Variants in XKR6 observed in about 807,000 individuals in gnomAD.
The protein encoded by XKR6 is XK-related protein 6.
XKR6 carries 22 observed loss-of-function variants against 56.7 expected under a neutral mutation model. The ratio of observed to expected loss-of-function variants is 0.39; its 90% CI spans 0.28 to 0.55. The LOEUF (loss-of-function observed/expected upper bound fraction) is 0.55, where lower values mean the gene tolerates loss of function less well. XKR6 is among the 20% of genes least tolerant of loss of function. The pLI is 0.66. For synonymous variants in XKR6, 524 were observed against 387.8 expected (o/e 1.35, Z -4.13); for missense variants, 852 against 889.0 (o/e 0.96, Z 0.53).
At chr8:11,037,531 C>G (rs1586461762) in intron 1 of XKR6, among the ~76,000 whole-genome samples, 1 of 152,170 alleles carries the variant, frequency 6.6e-6, no homozygotes, top group Admixed American at 6.5e-5. Context: ...AGCCTCAATG[C>G]TGTATTTCTC....
chr8:11,173,402 T>A (rs991484526), intron 1 of XKR6, among the ~76,000 whole-genome samples: 6 of 150,276 alleles, frequency 4.0e-5, no homozygotes, highest in African/African-American at 9.8e-5. Context: ...TATATACATA[T>A]ATATATACAT....
chr8:11,107,981 C>T (rs1798745047), intron 1 of XKR6: 1 of 317,432 alleles, frequency 3.2e-6, no homozygotes, highest in Admixed American at 4.9e-5. Context: ...CACTCGGTCC[C>T]AATATTAGAG....
At chr8:11,075,026 A>C (rs917397506) in intron 1 of XKR6, among the ~76,000 whole-genome samples, 1 of 152,182 alleles carries the variant, frequency 6.6e-6, no homozygotes, top group African/African-American at 2.4e-5. Flanking sequence ...TGAATGGCCC[A>C]CAGGACTTGG....
At chr8:10,914,557 C>A (rs1800500799) in intron 2 of XKR6, among the ~76,000 whole-genome samples, 2 of 152,214 alleles carry the variant, frequency 1.3e-5, no homozygotes, top group Admixed American at 6.5e-5. Flanking sequence ...TCCCCCAATG[C>A]TCCTCCTCCT....
intron 1 of XKR6, among the ~76,000 whole-genome samples, chr8:10,977,649 C>T (rs926693775): frequency 6.7e-6 from 1 of 149,214 alleles, no homozygotes; most frequent in African/African-American, 2.5e-5. Context: ...CAGATGAGTG[C>T]TAATGTCCCT....
chr8:11,016,592 G>A (rs891009693), intron 1 of XKR6, among the ~76,000 whole-genome samples: 3 of 152,162 alleles, frequency 2.0e-5, no homozygotes, highest in Non-Finnish European at 4.4e-5. Context: ...GCCGCCCTCC[G>A]GCTGGCTGCA....
chr8:10,998,095 C>T (rs1798155605), intron 1 of XKR6, among the ~76,000 whole-genome samples: 1 of 152,082 alleles, frequency 6.6e-6, no homozygotes, highest in Admixed American at 6.6e-5. Context: ...ACCAGCTCAC[C>T]CCAGAGAGGG....
intron 1 of XKR6, among the ~76,000 whole-genome samples, chr8:11,055,670 C>T (rs538623101): frequency 5.3e-5 from 8 of 152,320 alleles, no homozygotes; most frequent in East Asian, 1.9e-4. Context: ...ACTGCATGGA[C>T]GGGGGCCTCC....
At chr8:11,171,691 C>T (rs890901655) in intron 1 of XKR6, among the ~76,000 whole-genome samples, 10 of 152,160 alleles carry the variant, frequency 6.6e-5, no homozygotes, top group Admixed American at 4.6e-4. Flanking sequence ...TGGAAACAGA[C>T]GCCAGGGCCG....
chr8:11,176,367 G>T (rs1323234558), intron 1 of XKR6, among the ~76,000 whole-genome samples: 9 of 152,008 alleles, frequency 5.9e-5, no homozygotes, highest in Admixed American at 2.6e-4. Flanking sequence ...TATAATAAAT[G>T]GTAAATGAAG....
rs146877104 is a variant in XKR6, at chr8:10,905,355, CCTT to C, written c.962-6442_962-6440del. Among the ~76,000 whole-genome samples the C allele has an allele frequency of 3.3e-3, 504 of 152,304 alleles. 8 individuals are homozygous for C. The highest frequency in any genetic ancestry group is 0.012 in the African/African-American group (488 of 41,570). On this transcript the variant is annotated intron_variant, in intron 2 of 2. Coordinates refer to ENST00000416569, the MANE Select transcript of XKR6 (RefSeq NM_173683.4). ...CAGTCGGGATTGGGATCTGCTCTGT[CCTT>C]CTTCACACCCCACCCTTAGCTGTTC...
intron 1 of XKR6, among the ~76,000 whole-genome samples, chr8:10,932,620 A>G (rs1473702616): frequency 8.0e-6 from 1 of 124,516 alleles, no homozygotes; most frequent in Non-Finnish European, 1.7e-5. Flanking sequence ...ATTCCCCTTC[A>G]TGTGTCCATG....
chr8:11,005,361 G>GATATATATATATATATATATAT lies in XKR6; in HGVS notation c.765-80532_765-80531insATATATATATATATATATATAT, dbSNP rs1050511719. ...TCTTGGATAAGAAGTGACTGTAGTA[G>GATATATATATATATATATATAT]ATATAGATATATATATATATACATA... On this transcript the variant is annotated intron_variant, in intron 1 of 2. Transcript: ENST00000416569. Among the ~76,000 whole-genome samples the GATATATATATATATATATATAT allele has an allele frequency of 2.3e-4, 34 of 148,880 alleles. 1 individual carries two copies. Among genetic ancestry groups the GATATATATATATATATATATAT allele is most frequent in the Middle Eastern group, 3.4e-3 (1 of 290 alleles).
chr8:10,914,280 G>A (rs1280053482), intron 2 of XKR6, among the ~76,000 whole-genome samples: 1 of 152,114 alleles, frequency 6.6e-6, no homozygotes, highest in Non-Finnish European at 1.5e-5. Flanking sequence ...TGTCCCTTTC[G>A]GAGCCTCTTC....
intron 1 of XKR6, among the ~76,000 whole-genome samples, chr8:11,162,634 T>C (rs1397245188): frequency 6.6e-6 from 1 of 152,216 alleles, no homozygotes; most frequent in Admixed American, 6.5e-5. Flanking sequence ...AGGAGAAACT[T>C]CACTAGTTGT....
At chr8:11,068,915 C>T (rs1800048067) in intron 1 of XKR6, among the ~76,000 whole-genome samples, 1 of 152,242 alleles carries the variant, frequency 6.6e-6, no homozygotes, top group South Asian at 2.1e-4. Context: ...CGAATCCACT[C>T]CTGCACCTAC....
rs1289772341 is a variant in XKR6 at position 11,119,404 on chromosome 8, T to C, written c.764+81172A>G. Reference sequence around the variant, plus strand: ...TCGTTGATCTGTCTAATGTTGACAGTGGGGTGGTAAAGTCTCCCATTATTA... The same window carrying C: ...TCGTTGATCTGTCTAATGTTGACAGCGGGGTGGTAAAGTCTCCCATTATTA... On this transcript the variant is annotated intron_variant, in intron 1 of 2. Coordinates refer to ENST00000416569, the MANE Select transcript of XKR6 (RefSeq NM_173683.4). Among the ~76,000 whole-genome samples, 4 of 152,170 alleles carry C rather than the reference T, an allele frequency of 2.6e-5. No homozygotes were observed. In the East Asian group the frequency reaches 5.8e-4, roughly 22 times the overall value.
intron 1 of XKR6, among the ~76,000 whole-genome samples, chr8:11,114,395 C>A (rs980199477): frequency 2.0e-5 from 3 of 152,184 alleles, no homozygotes; most frequent in South Asian, 4.1e-4. Context: ...GAGTCTCACT[C>A]TGTCACCCAG....
intron 1 of XKR6, among the ~76,000 whole-genome samples, chr8:11,087,357 G>T (rs933886137): frequency 1.3e-5 from 2 of 152,166 alleles, no homozygotes; most frequent in Admixed American, 6.5e-5. Context: ...ACCCCTCGGG[G>T]AAGGGCACTG....
Sources: allele counts gnomAD v4.1 joint callset (sites outside exome capture counted in the v4.1 genomes callset), GRCh38; gene constraint gnomAD v4.1.1; transcripts MANE v1.5; gene names NCBI Gene and HGNC (gene_info 2026-07-23, HGNC 2026-07-21).